The following PTPN12 variants were observed in gnomAD, a reference collection of about 807,000 sequenced individuals.
PTPN12 encodes protein tyrosine phosphatase non-receptor type 12.
In PTPN12, 29 loss-of-function variants were observed where a neutral mutation model predicts 97.6. The ratio of observed to expected loss-of-function variants is 0.30; its 90% CI spans 0.22 to 0.41. The LOEUF (loss-of-function observed/expected upper bound fraction) is 0.41. Among genes scored for constraint, PTPN12 ranks in the 10% least tolerant of loss-of-function variants. The pLI is 1.00. For synonymous variants in PTPN12, 327 were observed against 300.4 expected, an observed-to-expected ratio of 1.09 and a Z score of -0.91; for missense variants, 819 against 926.0, an observed-to-expected ratio of 0.88 and a Z score of 1.50.
At chr7:77,582,862 T>G (rs1787567254) in intron 3 of PTPN12, among the ~76,000 whole-genome samples, 1 of 152,172 alleles carries the variant, frequency 6.6e-6, no homozygotes, top group African/African-American at 2.4e-5. Context: ...AATAAAAATT[T>G]CTTTTTTTAA....
chr7:77,587,762 C>A (rs1358630287), intron 5 of PTPN12, among the ~76,000 whole-genome samples: 1 of 152,196 alleles, frequency 6.6e-6, no homozygotes, highest in African/African-American at 2.4e-5. Context: ...GAAAATATGT[C>A]ATTTAGTATA....
intron 8 of PTPN12, among the ~76,000 whole-genome samples, chr7:77,605,415 T>TTTTTTTTG (rs1788333066): frequency 8.1e-6 from 1 of 123,432 alleles, no homozygotes; most frequent in Non-Finnish European, 1.7e-5. Context: ...ATGAGTTTTT[T>TTTTTTTTG]TTTTTTTTTT....
chr7:77,592,341 C>A (rs1787895766), intron 6 of PTPN12, 85 bp downstream of exon 6: 1 of 1,179,218 alleles, frequency 8.5e-7, no homozygotes, highest in South Asian at 1.4e-5. Flanking sequence ...TGGTATGAAC[C>A]CAGGCTTATA....
At chr7:77,628,560 ATT>A (rs34494082) in intron 13 of PTPN12, among the ~76,000 whole-genome samples, 2 of 143,764 alleles carry the variant, frequency 1.4e-5, no homozygotes, top group Non-Finnish European at 1.5e-5. Context: ...ACCTTGAAAG[ATT>A]TTTTTTTTTT....
intron 1 of PTPN12, among the ~76,000 whole-genome samples, chr7:77,555,711 G>A (rs1180515454): frequency 5.3e-5 from 8 of 152,086 alleles, no homozygotes; most frequent in African/African-American, 1.7e-4. Context: ...TCATGAGATC[G>A]AGACCATCCT....
At position 77,537,622 on chromosome 7, in the gene PTPN12, G is replaced by A. The variant is rs1806717356; in HGVS notation, c.76G>A (p.Asp26Asn). 1 of 1,602,176 alleles carries A rather than the reference G, an allele frequency of 6.2e-7. No individual in the cohort carries two copies. Among genetic ancestry groups the A allele is most frequent in the Non-Finnish European group, 8.5e-7 (1 of 1,175,382 alleles). ...GAAGAGTCCTGACCACAATGGGGAGGACAACTTCGCCCGGGACTTCATGGT... is the reference window on the plus strand; with the variant it reads ...GAAGAGTCCTGACCACAATGGGGAGAACAACTTCGCCCGGGACTTCATGGT... ...AMKSPDHNGE[D>N]NFARDFMRLR... Residue 26 changes from aspartate (D) to asparagine (N), a missense_variant, in exon 1 of 18, where the codon GAC becomes AAC. Around this residue, in one of 5 missense-constraint regions of PTPN12, gnomAD observed 59 missense variants for 42.2 expected, o/e 1.40. Transcript: ENST00000248594.
At chr7:77,629,926 G>A (rs1311565292) in intron 13 of PTPN12, among the ~76,000 whole-genome samples, 1 of 147,538 alleles carries the variant, frequency 6.8e-6, no homozygotes, top group Admixed American at 6.7e-5. Flanking sequence ...GGCAACAGAG[G>A]GAGACCCTGT....
chr7:77,573,085 A>AAAAAAAC (rs1787204852), intron 2 of PTPN12, among the ~76,000 whole-genome samples: 1 of 73,192 alleles, frequency 1.4e-5, no homozygotes, highest in Non-Finnish European at 2.3e-5. Flanking sequence ...TCTATCTCAA[A>AAAAAAAC]AAAAAAAAAA....
intron 1 of PTPN12, among the ~76,000 whole-genome samples, chr7:77,569,327 T>C (rs1808379993): frequency 6.6e-6 from 1 of 152,218 alleles, no homozygotes; most frequent in Non-Finnish European, 1.5e-5. Context: ...TTATACTTAA[T>C]ATGTATTTTT....
At chr7:77,601,250 G>T (rs541981961) in intron 8 of PTPN12, among the ~76,000 whole-genome samples, 1 of 152,218 alleles carries the variant, frequency 6.6e-6, no homozygotes, top group East Asian at 1.9e-4. Context: ...GAGTGCAGTG[G>T]CACAATCATA....
chr7:77,639,874 C>CT lies in PTPN12; in HGVS notation c.*595dup, dbSNP rs1199536794. On this transcript the variant is annotated 3_prime_UTR_variant, in exon 18 of 18. Coordinates refer to ENST00000248594, the MANE Select transcript of PTPN12 (RefSeq NM_002835.4). ...AAGTTATTTTTATATTATATACAGT[C>CT]TAATTGTTCATCCTAATTGTTCCTG... The CT allele has an allele frequency of 6.6e-6, 1 of 152,506 alleles. No homozygotes were observed. The highest frequency in any genetic ancestry group is 2.4e-5 in the African/African-American group (1 of 41,420). The allele number at this position is 152,506 out of a possible 1,614,324, so 9.4% of individuals were successfully genotyped here.
At position 77,627,730 on chromosome 7, in the gene PTPN12, T is replaced by C. The variant is rs554733795; in HGVS notation, c.1996+55T>C. 3.5e-6 allele frequency: 5 copies of C among 1,438,484 alleles called. No individual in the cohort carries two copies. The African/African-American group carries it at 7.2e-5, about 21-fold the overall frequency. 89.1% of individuals were successfully genotyped at this position (1,438,484 alleles called of 1,614,324 possible). ...TCTTTCCTATGTGCTAGTCACTGTT[T>C]TAAGCACTTTAGCTGTATTGATTTA... is the stretch of plus-strand genomic sequence containing the variant. On this transcript the variant is annotated intron_variant, in intron 13 of 17. Coordinates refer to ENST00000248594, the MANE Select transcript of PTPN12 (RefSeq NM_002835.4).
chr7:77,581,287 C>T, intron 2 of PTPN12, 140 bp from the exon 3 acceptor site: 1 of 460,868 alleles, frequency 2.2e-6, no homozygotes, highest in Non-Finnish European at 3.8e-6. Flanking sequence ...TAGAAATTAC[C>T]CTGCTGGTAC....
intron 2 of PTPN12, among the ~76,000 whole-genome samples, chr7:77,577,432 A>G (rs12674319): frequency 0.22 from 33,490 of 151,756 alleles, 4,729 homozygotes; most frequent in East Asian, 0.7. Flanking sequence ...CTATTATGCT[A>G]CCTATAATGC....
At chr7:77,625,565 C>T (rs113961454) in intron 12 of PTPN12, among the ~76,000 whole-genome samples, 12,908 of 24,010 alleles carry the variant, frequency 0.54, 4,167 homozygotes, top group East Asian at 0.78. Context: ...CTCTCTCTCT[C>T]TTTTTTTTTT....
intron 2 of PTPN12, among the ~76,000 whole-genome samples, chr7:77,573,128 A>C (rs1787217609): frequency 4.6e-5 from 7 of 150,934 alleles, no homozygotes; most frequent in African/African-American, 7.3e-5. Context: ...TGTACCTAGC[A>C]CATAGTAACC....
intron 1 of PTPN12, among the ~76,000 whole-genome samples, chr7:77,553,155 TTG>T (rs1442415163): frequency 6.6e-6 from 1 of 152,190 alleles, no homozygotes; most frequent in Non-Finnish European, 1.5e-5. Context: ...AGAGCAGACA[TTG>T]TGTATGATTG....
At chr7:77,614,562 T>G (rs1408015643) in intron 11 of PTPN12, among the ~76,000 whole-genome samples, 1 of 152,078 alleles carries the variant, frequency 6.6e-6, no homozygotes, top group African/African-American at 2.4e-5. Context: ...GATGAATGGA[T>G]AAATAGTAAA....
chr7:77,573,160 T>G (rs562117140), intron 2 of PTPN12, among the ~76,000 whole-genome samples: 1 of 136,820 alleles, frequency 7.3e-6, no homozygotes, highest in African/African-American at 2.8e-5. Context: ...TTTTGCAAAA[T>G]AACCAGTATA....
Sources: allele counts gnomAD v4.1 joint callset (sites outside exome capture counted in the v4.1 genomes callset), GRCh38; gene constraint gnomAD v4.1.1; regional missense constraint gnomAD v4.1.1; transcripts MANE v1.5; gene names NCBI Gene and HGNC (gene_info 2026-07-23, HGNC 2026-07-21).